The following KSR1 variants were observed in gnomAD, a reference collection of about 807,000 sequenced individuals.
The protein encoded by KSR1 is kinase suppressor of ras.
KSR1 carries 35 observed loss-of-function variants against 92.9 expected under a neutral mutation model. The ratio of observed to expected loss-of-function variants is 0.38; its 90% confidence interval spans 0.29 to 0.50. The LOEUF is 0.50. Among genes scored for constraint, KSR1 ranks in the 20% least tolerant of loss-of-function variants. KSR1 has a pLI of 0.94. For synonymous variants in KSR1, 467 were observed against 472.6 expected (o/e 0.99, Z 0.15); for missense variants, 972 against 1,158.5 (o/e 0.84, Z 2.34).
intron 7 of KSR1, among the ~76,000 whole-genome samples, chr17:27,591,637 C>T (rs1459441375): frequency 6.6e-6 from 1 of 152,228 alleles, no homozygotes; most frequent in African/African-American, 2.4e-5. Context: ...CCATTACTTT[C>T]CCAGCGACTC....
At chr17:27,489,188 T>C (rs979816371) in intron 1 of KSR1, among the ~76,000 whole-genome samples, 2 of 152,066 alleles carry the variant, frequency 1.3e-5, no homozygotes, top group Non-Finnish European at 2.9e-5. Context: ...CGTGGGAGAG[T>C]GTAGGATCCT....
chr17:27,597,222 TG>T (rs972655198), intron 9 of KSR1, 45 bp from the exon 10 acceptor site: 6 of 1,541,500 alleles, frequency 3.9e-6, no homozygotes, highest in African/African-American at 1.4e-5. Flanking sequence ...GGGAGGCAGG[TG>T]GGGCCAGGAC....
chr17:27,578,413 C>G (rs1249285997), intron 3 of KSR1: 1 of 152,630 alleles, frequency 6.6e-6, no homozygotes, highest in Non-Finnish European at 1.5e-5. Context: ...ATCAAGTCCT[C>G]TGAACACGGC....
intron 1 of KSR1, among the ~76,000 whole-genome samples, chr17:27,493,800 A>C (rs546332784): frequency 2.6e-5 from 4 of 152,286 alleles, no homozygotes; most frequent in Non-Finnish European, 4.4e-5. Flanking sequence ...TGGAAATTGC[A>C]CTGGTTATAT....
In KSR1 at chr17:27,559,907, G is replaced by A. The variant is rs1465982742; in HGVS notation, c.372+9199G>A. 6.6e-6 allele frequency among the ~76,000 whole-genome samples: 1 copy of A among 152,234 alleles called. No homozygotes were observed. The highest frequency in any genetic ancestry group is 1.5e-5 in the Non-Finnish European group (1 of 68,032). ...TCTCCCTGTGTGCAGTGTAGGGGTT[G>A]GGGCTCCTCTTAGGGGATATTGGAA... On this transcript the variant is annotated intron_variant, in intron 2 of 20. Coordinates refer to ENST00000644974, the MANE Select transcript of KSR1 (RefSeq NM_001394583.1). This position sits in a 1 kb window ranked among gnomAD's most constrained non-coding sequence, Gnocchi z 4.2.
At chr17:27,495,726 G>A (rs922527164) in intron 1 of KSR1, among the ~76,000 whole-genome samples, 1 of 152,170 alleles carries the variant, frequency 6.6e-6, no homozygotes, top group African/African-American at 2.4e-5. Context: ...TTGCTTCATC[G>A]ATCATGCAGT....
intron 1 of KSR1, among the ~76,000 whole-genome samples, chr17:27,539,246 C>T (rs577935702): frequency 8.4e-4 from 128 of 152,262 alleles, no homozygotes; most frequent in African/African-American, 2.8e-3. Flanking sequence ...CGTGGCTGTG[C>T]CCTGTGGGCC....
chr17:27,564,823 C>T (rs1054656062), intron 2 of KSR1, among the ~76,000 whole-genome samples: 5 of 137,224 alleles, frequency 3.6e-5, no homozygotes, highest in Admixed American at 1.6e-4. Context: ...AAGGCAGAGA[C>T]GTGTAGAAAC....
rs143098642 is a variant in KSR1, at chr17:27,588,626, C to A, written c.1046+91C>A. 1,277 of 1,182,356 alleles carry A rather than the reference C, an allele frequency of 1.1e-3. 9 individuals are homozygous for A. The African/African-American group carries it at 0.018, about 17-fold the overall frequency. 73.2% of individuals were successfully genotyped at this position (1,182,356 alleles called of 1,614,324 possible). On this transcript the variant is annotated intron_variant, in intron 6 of 20. Coordinates refer to ENST00000644974, the MANE Select transcript of KSR1 (RefSeq NM_001394583.1). Reference sequence around the variant, plus strand: ...GTTCTGGTCACTGTTTCTCAGCGAGCTCTTTGCCTCTGACGGGCCTGTCCA... The same window carrying A: ...GTTCTGGTCACTGTTTCTCAGCGAGATCTTTGCCTCTGACGGGCCTGTCCA...
rs1452608450 is a variant in KSR1, at chr17:27,597,392, C to T, written c.1424C>T (p.Pro475Leu). The change falls in exon 10 of 21, where the codon CCC becomes CTC. Residue 475 changes from proline (P) to leucine (L), a missense_variant. Coordinates refer to ENST00000644974, the MANE Select transcript of KSR1 (RefSeq NM_001394583.1). ...AACCCATCCAGCGCCACCACGCCCC[C>T]CAACCCCTCACCTGGCCAGCGGGAC... ...SSNPSSATTP[P>L]NPSPGQRDSR... The T allele has an allele frequency of 1.9e-6, 3 of 1,613,150 alleles. No individual in the cohort carries two copies. Among genetic ancestry groups the T allele is most frequent in the Non-Finnish European group, 2.5e-6 (3 of 1,179,412 alleles).
At chr17:27,529,981 T>C (rs2070469388) in intron 1 of KSR1, among the ~76,000 whole-genome samples, 1 of 152,232 alleles carries the variant, frequency 6.6e-6, no homozygotes, top group Non-Finnish European at 1.5e-5. Context: ...CTTGGCACCA[T>C]ACTGGGTAAC....
intron 1 of KSR1, among the ~76,000 whole-genome samples, chr17:27,487,801 G>A (rs1170939578): frequency 1.3e-5 from 2 of 152,072 alleles, no homozygotes; most frequent in African/African-American, 2.4e-5. Context: ...GGTGTGTCAT[G>A]TGTCTAGACA....
intron 1 of KSR1, among the ~76,000 whole-genome samples, chr17:27,516,595 T>C (rs2069805432): frequency 6.6e-6 from 1 of 152,168 alleles, no homozygotes; most frequent in African/African-American, 2.4e-5. Context: ...TATATGTTCC[T>C]TGTAGAAACT....
chr17:27,526,678 G>A, intron 1 of KSR1: 2 of 1,539,792 alleles, frequency 1.3e-6, no homozygotes, highest in Non-Finnish European at 1.8e-6. Flanking sequence ...AGTTTTTATT[G>A]GCTGTTATTC....
intron 3 of KSR1, among the ~76,000 whole-genome samples, chr17:27,581,747 G>T (rs1290316880): frequency 1.3e-5 from 2 of 152,236 alleles, no homozygotes; most frequent in East Asian, 1.9e-4. Context: ...CAAGCACAAG[G>T]ATGGGTCTTT....
intron 2 of KSR1, among the ~76,000 whole-genome samples, chr17:27,575,793 G>A (rs542972996): frequency 1.4e-4 from 21 of 152,268 alleles, no homozygotes; most frequent in African/African-American, 4.8e-4. Flanking sequence ...TTCATTCTTT[G>A]TATTTTCCAT....
At chr17:27,600,631 G>C (rs1027677992) in intron 10 of KSR1, among the ~76,000 whole-genome samples, 1 of 152,140 alleles carries the variant, frequency 6.6e-6, no homozygotes, top group Non-Finnish European at 1.5e-5. Context: ...CCACAGACAC[G>C]TGAGGAATGC....
In KSR1 at chr17:27,623,463, C is replaced by T. The variant is rs757125109; in HGVS notation, c.*71C>T. ...TGTTTCTGAAACATCCCAACAACCA[C>T]CACGACAAAAAAACACTGCCTGCCC... On this transcript the variant is annotated 3_prime_UTR_variant, in exon 21 of 21. Coordinates refer to ENST00000644974, the MANE Select transcript of KSR1 (RefSeq NM_001394583.1). The T allele has an allele frequency of 1.4e-6, 1 of 709,778 alleles. No homozygotes were observed. The highest frequency in any genetic ancestry group is 2.6e-6 in the Non-Finnish European group (1 of 388,710). The allele number at this position is 709,778 out of a possible 1,614,324, so 44.0% of individuals were successfully genotyped here.
At chr17:27,598,583 C>T (rs2073430093) in intron 10 of KSR1, among the ~76,000 whole-genome samples, 3 of 152,174 alleles carry the variant, frequency 2.0e-5, no homozygotes, top group African/African-American at 7.2e-5. Context: ...TGAGTGATGG[C>T]CCATTTGATT....
Sources: gnomAD v4.1 joint callset for allele counts (sites outside exome capture counted in the v4.1 genomes callset) on GRCh38, gnomAD v4.1.1 for gene constraint, Gnocchi (gnomAD v3.1) non-coding constraint, MANE v1.5 for transcripts, NCBI Gene and HGNC (gene_info 2026-07-23, HGNC 2026-07-21) for gene names.